REPS2: variants seen among roughly 807,000 people sequenced by gnomAD.
REPS2 encodes the protein RALBP1 associated Eps domain containing 2.
A neutral mutation model predicts 53.6 loss-of-function variants in REPS2; 23 were observed. The observed-to-expected ratio is 0.43, with a 90% CI of 0.31 to 0.61. REPS2 has a LOEUF of 0.61. Among genes scored for constraint, REPS2 ranks in the 20% least tolerant of loss-of-function variants. The pLI is 0.11. For missense variants in REPS2, 446 were observed against 534.9 expected (o/e 0.83, Z 1.64); for synonymous variants, 238 against 218.6 (o/e 1.09, Z -0.78).
the REPS2 span, among the ~76,000 whole-genome samples, chrX:17,195,449 G>T: frequency 0.14 from 15,360 of 111,412 alleles, 818 homozygotes; most frequent in Admixed American, 0.18. Context: ...GTAAAATGTT[G>T]AGCACCTTGG....
chrX:17,093,752 T>C (rs971356395), intron 13 of REPS2, among the ~76,000 whole-genome samples: 6 of 107,841 alleles, frequency 5.6e-5, no homozygotes, highest in Admixed American at 5.2e-4. Flanking sequence ...ATTATTGTTA[T>C]AGCCATGTAA....
chrX:17,042,239 A>G (rs1311642894), intron 5 of REPS2, among the ~76,000 whole-genome samples: 2 of 111,674 alleles, frequency 1.8e-5, no homozygotes, highest in Non-Finnish European at 3.8e-5. Context: ...CAACAAAACC[A>G]CTGGAGCTGG....
intron 8 of REPS2, among the ~76,000 whole-genome samples, chrX:17,059,972 G>GTCTCCTTTTGATAGTTTCATCAAA (rs1273410959): frequency 1.1e-5 from 1 of 93,417 alleles, no homozygotes; most frequent in East Asian, 3.7e-4. Context: ...GTTTCATCAA[G>GTCTCCTTTTGATAGTTTCATCAAA]AGTCTCCTTT....
intron 16 of REPS2, chrX:17,136,930 A>G (rs918571458): frequency 6.2e-5 from 7 of 112,513 alleles, no homozygotes; most frequent in African/African-American, 2.3e-4. Context: ...ACTTAGCATA[A>G]TATTTTCAAG....
the REPS2 span, among the ~76,000 whole-genome samples, chrX:17,164,267 A>G: frequency 9.0e-6 from 1 of 111,730 alleles, no homozygotes; most frequent in Non-Finnish European, 1.9e-5. Flanking sequence ...TAAATGGGTT[A>G]AACACTCCAA....
intron 1 of REPS2, 85 bp downstream of exon 1, chrX:16,947,219 C>T: frequency 2.1e-6 from 2 of 931,502 alleles, no homozygotes; most frequent in South Asian, 9.0e-5. Flanking sequence ...ACAGGGCTGC[C>T]CCCAGGGACC....
downstream of REPS2, among the ~76,000 whole-genome samples, chrX:17,156,656 C>G (rs2063617323): frequency 9.0e-6 from 1 of 111,161 alleles, no homozygotes; most frequent in African/African-American, 3.3e-5. Flanking sequence ...GGGCATAGCA[C>G]TACAGAACAG....
Position 17,147,271 on chromosome X carries a change from C to T in REPS2, c.1915-142C>T, listed in dbSNP as rs571177488. ...TCACCAGCATTAAATCTGATACCTC[C>T]CAGTCCTCCTGTTCTTGAGTTATAC... On this transcript the variant is annotated intron_variant, in intron 17 of 17. Coordinates refer to ENST00000357277, the MANE Select transcript of REPS2 (RefSeq NM_004726.3). 5.7e-5 allele frequency: 25 copies of T among 438,831 alleles called. No homozygotes were observed. In the South Asian group the frequency reaches 1.1e-3, roughly 19 times the overall value. 36.2% of individuals were successfully genotyped at this position (438,831 alleles called of 1,213,427 possible). A position where few individuals can be genotyped will look rare whatever the true frequency, so the allele number is the denominator to read the frequency against.
intron 13 of REPS2, among the ~76,000 whole-genome samples, chrX:17,084,247 C>T (rs1343821214): frequency 8.9e-6 from 1 of 111,912 alleles, no homozygotes; most frequent in Non-Finnish European, 1.9e-5. Flanking sequence ...TAGCATGAAT[C>T]AATACTTCAT....
At chrX:17,147,177 G>C (rs1007874674) in intron 17 of REPS2, among the ~76,000 whole-genome samples, 1 of 111,584 alleles carries the variant, frequency 9.0e-6, no homozygotes, top group Non-Finnish European at 1.9e-5. Context: ...AGGGGAGTAG[G>C]TCAGTTTCAT....
At chrX:17,173,218 A>G in the REPS2 span, among the ~76,000 whole-genome samples, 1 of 111,990 alleles carries the variant, frequency 8.9e-6, no homozygotes, top group African/African-American at 3.2e-5. Flanking sequence ...GAGTCTCACA[A>G]GGTTGCTAGC....
At chrX:17,182,977 C>A in the REPS2 span, among the ~76,000 whole-genome samples, 4 of 111,858 alleles carry the variant, frequency 3.6e-5, no homozygotes, top group Non-Finnish European at 5.6e-5. Context: ...TATACAGTTT[C>A]TTGATAATTG....
At chrX:17,132,530 A>C (rs1053499273) in intron 14 of REPS2, among the ~76,000 whole-genome samples, 1 of 112,597 alleles carries the variant, frequency 8.9e-6, no homozygotes, top group Non-Finnish European at 1.9e-5. Flanking sequence ...CTTCATAGAC[A>C]TTCTTTTTCT....
At chrX:17,044,595 A>G (rs1375929619) in intron 5 of REPS2, 2 of 111,396 alleles carry the variant, frequency 1.8e-5, no homozygotes, top group Admixed American at 1.9e-4. Context: ...TTCACGAATC[A>G]TCTTTGCCAC....
intron 1 of REPS2, among the ~76,000 whole-genome samples, chrX:16,964,473 C>T (rs1202996208): frequency 2.3e-4 from 25 of 108,907 alleles, no homozygotes; most frequent in African/African-American, 8.4e-4. Context: ...CAATCTTTTC[C>T]CCACCTTTCC....
At chrX:17,144,958 A>G (rs1304453229) in intron 17 of REPS2, among the ~76,000 whole-genome samples, 1 of 111,423 alleles carries the variant, frequency 9.0e-6, no homozygotes, top group Non-Finnish European at 1.9e-5. Flanking sequence ...CAGTGGACCC[A>G]GTGGACTCCC....
intron 13 of REPS2, among the ~76,000 whole-genome samples, chrX:17,100,778 C>G (rs1035496251): frequency 9.0e-6 from 1 of 111,538 alleles, no homozygotes; most frequent in Admixed American, 9.5e-5. Flanking sequence ...CAAAGCTGCT[C>G]TTAGTATTTG....
chrX:16,971,913 G>A (rs2060900159), intron 1 of REPS2, among the ~76,000 whole-genome samples: 1 of 111,964 alleles, frequency 8.9e-6, no homozygotes, highest in Non-Finnish European at 1.9e-5. Flanking sequence ...GCAGACTTTC[G>A]CTCCCTGATC....
At chrX:17,016,345 G>T (rs1159594405) in intron 2 of REPS2, among the ~76,000 whole-genome samples, 1 of 112,377 alleles carries the variant, frequency 8.9e-6, no homozygotes, top group Non-Finnish European at 1.9e-5. Context: ...GTAATCAGAG[G>T]ATCATGGCTG....
Sources: allele counts gnomAD v4.1 joint callset (sites outside exome capture counted in the v4.1 genomes callset), GRCh38; gene constraint gnomAD v4.1.1; transcripts MANE v1.5; gene names NCBI Gene and HGNC (gene_info 2026-07-23, HGNC 2026-07-21).